MBNL2: variants seen among roughly 807,000 people sequenced by gnomAD.
MBNL2 encodes muscleblind-like protein 2.
Under a neutral mutation model 41.9 loss-of-function variants are expected in MBNL2, and 17 were observed. The observed-to-expected ratio is 0.41, with a 90% CI of 0.28 to 0.61. The LOEUF is 0.61. Ranked by LOEUF, MBNL2 falls within the 20% of genes least tolerant of loss-of-function variation. The pLI is 0.35. For synonymous variants in MBNL2, 195 were observed against 182.9 expected (o/e 1.07, Z -0.53); for missense variants, 336 against 505.6 (o/e 0.66, Z 3.22).
chr13:97,240,981 T>A (rs1283909021), intron 1 of MBNL2, among the ~76,000 whole-genome samples: 1 of 152,178 alleles, frequency 6.6e-6, no homozygotes, highest in South Asian at 2.1e-4. Context: ...TTAAAACTTT[T>A]GGAAATGAAT....
chr13:97,181,573 C>T, the MBNL2 span, among the ~76,000 whole-genome samples: 8 of 152,120 alleles, frequency 5.3e-5, no homozygotes, highest in African/African-American at 7.2e-5. Context: ...AAAAATTCTC[C>T]CTTTTGAACA....
chr13:97,163,250 G>GA, the MBNL2 span, among the ~76,000 whole-genome samples: 2 of 151,982 alleles, frequency 1.3e-5, no homozygotes, highest in Non-Finnish European at 2.9e-5. Flanking sequence ...TTGTGGTTTG[G>GA]AAAAAAGGAC....
chr13:97,320,493 T>C (rs1472088569), intron 2 of MBNL2, among the ~76,000 whole-genome samples: 2 of 151,410 alleles, frequency 1.3e-5, no homozygotes, highest in Non-Finnish European at 2.9e-5. Context: ...CCGGACCTCA[T>C]GATCCACCCA....
chr13:97,215,672 A>T, the MBNL2 span, among the ~76,000 whole-genome samples: 1 of 152,208 alleles, frequency 6.6e-6, no homozygotes, highest in Non-Finnish European at 1.5e-5. Context: ...CTTTTCATAT[A>T]ACTCCTTACT....
chr13:97,299,211 T>C (rs752148905), intron 2 of MBNL2, among the ~76,000 whole-genome samples: 3 of 152,194 alleles, frequency 2.0e-5, no homozygotes, highest in Non-Finnish European at 4.4e-5. Flanking sequence ...ATTCTTTCTG[T>C]GTTAATTTCT....
intron 2 of MBNL2, among the ~76,000 whole-genome samples, chr13:97,326,040 T>A (rs2059886214): frequency 6.6e-6 from 1 of 152,156 alleles, no homozygotes; most frequent in Non-Finnish European, 1.5e-5. Context: ...AACACTCAGA[T>A]TTGCAACTCC....
chr13:97,212,637 T>A, the MBNL2 span, among the ~76,000 whole-genome samples: 1 of 152,160 alleles, frequency 6.6e-6, no homozygotes, highest in Non-Finnish European at 1.5e-5. Context: ...CCTGGAAAGG[T>A]TACTTAATCA....
chr13:97,330,342 T>G (rs2060327161), intron 2 of MBNL2, among the ~76,000 whole-genome samples: 1 of 152,082 alleles, frequency 6.6e-6, no homozygotes, highest in Non-Finnish European at 1.5e-5. Context: ...CCTGGGAGGC[T>G]CTTCACAAGC....
chr13:97,356,713 C>G, intron 5 of MBNL2, 83 bp from the exon 6 acceptor site: 2 of 737,582 alleles, frequency 2.7e-6, no homozygotes, highest in Non-Finnish European at 4.3e-6. Flanking sequence ...TGATGCACCT[C>G]TGCTTGCTGT....
chr13:97,232,696 A>G (rs1159488729), intron 1 of MBNL2, among the ~76,000 whole-genome samples: 3 of 152,306 alleles, frequency 2.0e-5, no homozygotes, highest in East Asian at 3.9e-4. Flanking sequence ...TTAAATAGAC[A>G]TAAGCAATTA....
intron 1 of MBNL2, among the ~76,000 whole-genome samples, chr13:97,240,858 C>A (rs142306966): frequency 6.6e-6 from 1 of 152,246 alleles, no homozygotes; most frequent in East Asian, 1.9e-4. Context: ...CCGTGATAGG[C>A]CATGCCTTGA....
At chr13:97,197,896 G>A in the MBNL2 span, among the ~76,000 whole-genome samples, 2,586 of 152,168 alleles carry the variant, frequency 0.017, 70 homozygotes, top group African/African-American at 0.059. Context: ...CTACTTCTAT[G>A]CTGTATACAA....
At chr13:97,294,183 C>A (rs921448654) in intron 2 of MBNL2, among the ~76,000 whole-genome samples, 3 of 152,140 alleles carry the variant, frequency 2.0e-5, no homozygotes, top group African/African-American at 2.4e-5. Flanking sequence ...TTATTTCTAG[C>A]TTACGCTTCT....
At chr13:97,148,312 G>A in the MBNL2 span, among the ~76,000 whole-genome samples, 1 of 151,092 alleles carries the variant, frequency 6.6e-6, no homozygotes, top group African/African-American at 2.5e-5. Flanking sequence ...GACAACCTCT[G>A]TTAGAGTGCT....
Position 97,346,661 on chromosome 13 carries a change from G to C in MBNL2, c.541-143G>C. 1 of 616,778 alleles carries C rather than the reference G, an allele frequency of 1.6e-6. No individual in the cohort carries two copies. The highest frequency in any genetic ancestry group is 2.9e-5 in the East Asian group (1 of 34,952). 38.2% of individuals were successfully genotyped at this position (616,778 alleles called of 1,614,324 possible). A position where few individuals can be genotyped will look rare whatever the true frequency, so the allele number is the denominator to read the frequency against. On this transcript the variant is annotated intron_variant, in intron 4 of 8. Coordinates refer to ENST00000679496, the MANE Select transcript of MBNL2 (RefSeq NM_001382683.1). This position sits in a 1 kb window ranked among gnomAD's most constrained non-coding sequence, Gnocchi z 4.2. ...CAGAGATTGTGGTTACCTGGGCTCC[G>C]CATAATCAATCTTTTCTTGTCAGTG...
rs140107508 is a variant in MBNL2, at chr13:97,368,700, T to TTGTGTGTGTGTG, written c.1048+3545_1048+3556dup. ...AGAGATTCCATAGGTATATTCAAGT[T>TTGTGTGTGTGTG]TGTGTGTGTGTGTGTGTGTGTGTGT... On this transcript the variant is annotated intron_variant, in intron 8 of 8. Coordinates refer to ENST00000679496, the MANE Select transcript of MBNL2 (RefSeq NM_001382683.1). Among the ~76,000 whole-genome samples, 807 of 148,354 alleles carry TTGTGTGTGTGTG rather than the reference T, an allele frequency of 5.4e-3. 7 individuals carry two copies. Among genetic ancestry groups the TTGTGTGTGTGTG allele is most frequent in the African/African-American group, 0.014 (555 of 40,396 alleles).
intron 8 of MBNL2, among the ~76,000 whole-genome samples, chr13:97,375,161 A>G (rs1307285202): frequency 1.3e-5 from 2 of 152,214 alleles, no homozygotes; most frequent in African/African-American, 4.8e-5. Flanking sequence ...CCACACGTCA[A>G]AGACACACTG....
chr13:97,187,593 T>TAAAAAA, the MBNL2 span, among the ~76,000 whole-genome samples: 1,161 of 51,466 alleles, frequency 0.023, 248 homozygotes, highest in Middle Eastern at 0.071. Flanking sequence ...CTATGCAGCT[T>TAAAAAA]AAAAAAAAAA....
the MBNL2 span, among the ~76,000 whole-genome samples, chr13:97,174,414 A>G: frequency 6.6e-6 from 1 of 152,234 alleles, no homozygotes; most frequent in Non-Finnish European, 1.5e-5. Context: ...AAAATTATAC[A>G]GACTCATTAG....
Sources: allele counts gnomAD v4.1 joint callset (sites outside exome capture counted in the v4.1 genomes callset), GRCh38; gene constraint gnomAD v4.1.1; non-coding constraint Gnocchi (gnomAD v3.1); transcripts MANE v1.5; gene names NCBI Gene and HGNC (gene_info 2026-07-23, HGNC 2026-07-21).